AAK1: variants seen among roughly 807,000 people sequenced by gnomAD.
AAK1 encodes the protein AP2 associated kinase 1, also known as AP2-associated protein kinase 1.
Under a neutral mutation model 116.0 loss-of-function variants are expected in AAK1, and 37 were observed. The ratio of observed to expected loss-of-function variants is 0.32; its 90% CI spans 0.25 to 0.42. The LOEUF (loss-of-function observed/expected upper bound fraction) is 0.42, where lower values mean the gene tolerates loss of function less well. Among genes scored for constraint, AAK1 ranks in the 10% least tolerant of loss-of-function variants. The probability of loss-of-function intolerance (pLI) is 1.00; values close to 1 mark genes in which losing one functional copy is unlikely to be tolerated. For synonymous variants in AAK1, 458 were observed against 439.9 expected (o/e 1.04, Z -0.51); for missense variants, 919 against 1,170.6 (o/e 0.79, Z 3.14).
intron 9 of AAK1, among the ~76,000 whole-genome samples, chr2:69,526,642 T>G (rs1348585616): frequency 6.6e-6 from 1 of 152,132 alleles, no homozygotes; most frequent in Non-Finnish European, 1.5e-5. Context: ...AAAAAGGACA[T>G]TTGCAAGCAT....
chr2:69,510,016 T>G (rs545339844), intron 13 of AAK1, among the ~76,000 whole-genome samples: 4 of 152,318 alleles, frequency 2.6e-5, no homozygotes, highest in Non-Finnish European at 5.9e-5. Context: ...CTACTGTGAT[T>G]AATAAATGTT....
intron 2 of AAK1, among the ~76,000 whole-genome samples, chr2:69,566,124 T>C (rs1671855997): frequency 6.6e-6 from 1 of 152,192 alleles, no homozygotes; most frequent in Non-Finnish European, 1.5e-5. Flanking sequence ...ATCCACAGCA[T>C]CTGTGAGCTC....
At chr2:69,490,692 CAG>C (rs1464644880) in intron 17 of AAK1, among the ~76,000 whole-genome samples, 1 of 151,744 alleles carries the variant, frequency 6.6e-6, no homozygotes, top group African/African-American at 2.4e-5. Flanking sequence ...TTAATGGGTA[CAG>C]AGTTTCAGTT....
chr2:69,579,510 T>C (rs55784072), intron 2 of AAK1, among the ~76,000 whole-genome samples: 9 of 152,036 alleles, frequency 5.9e-5, no homozygotes, highest in Non-Finnish European at 1.3e-4. Flanking sequence ...GCCCGGGAGG[T>C]GGAGGTTGAA....
At chr2:69,615,337 C>T (rs1168066179) in intron 2 of AAK1, among the ~76,000 whole-genome samples, 1 of 152,164 alleles carries the variant, frequency 6.6e-6, no homozygotes, top group African/African-American at 2.4e-5. Context: ...ATGAGAGACA[C>T]AGAGGATGGG....
intron 6 of AAK1, 40 bp downstream of exon 6, chr2:69,532,001 T>C: frequency 6.2e-7 from 1 of 1,609,142 alleles, no homozygotes; most frequent in Non-Finnish European, 8.5e-7. Flanking sequence ...GTTGCTCATC[T>C]GATTGTGGAC....
intron 2 of AAK1, among the ~76,000 whole-genome samples, chr2:69,633,864 T>C (rs1559020500): frequency 1.3e-5 from 2 of 152,186 alleles, no homozygotes; most frequent in East Asian, 3.9e-4. Context: ...GGTTGGTTAT[T>C]AAAGGTCAAC....
intron 17 of AAK1, among the ~76,000 whole-genome samples, chr2:69,485,760 A>G (rs1259675991): frequency 6.6e-6 from 1 of 151,614 alleles, no homozygotes; most frequent in Non-Finnish European, 1.5e-5. Flanking sequence ...TCCCATGTTC[A>G]AGCGATTCTC....
chr2:69,499,049 G>A (rs1013859795), intron 16 of AAK1, among the ~76,000 whole-genome samples: 2 of 152,262 alleles, frequency 1.3e-5, no homozygotes, highest in African/African-American at 4.8e-5. Flanking sequence ...CCCAGTGGCC[G>A]GTCAGCCCCA....
intron 5 of AAK1, among the ~76,000 whole-genome samples, chr2:69,532,391 C>T (rs779845588): frequency 7.9e-5 from 12 of 152,092 alleles, no homozygotes; most frequent in South Asian, 2.1e-4. Context: ...GGAAACTCCA[C>T]GGTGGGGGAT....
At chr2:69,512,975 C>A (rs577318665) in intron 13 of AAK1, among the ~76,000 whole-genome samples, 11 of 152,322 alleles carry the variant, frequency 7.2e-5, no homozygotes, top group Non-Finnish European at 1.3e-4. Context: ...TCTTGGGCAA[C>A]CACTTTCTAG....
At chr2:69,621,858 C>T (rs181094072) in intron 2 of AAK1, among the ~76,000 whole-genome samples, 54 of 152,368 alleles carry the variant, frequency 3.5e-4, no homozygotes, top group African/African-American at 1.3e-3. Flanking sequence ...CCACACCTCC[C>T]CTCCAACTCC....
rs1193928246 is a variant in AAK1 at position 69,577,163 on chromosome 2, C to A, written c.164-20185G>T. On this transcript the variant is annotated intron_variant, in intron 2 of 21. Coordinates refer to ENST00000409085, the MANE Select transcript of AAK1 (RefSeq NM_014911.5). ...TGCAGGTTCACTCTGAGCAGCAGAA[C>A]CCCTGTCTTCTGCCCAAAATCTGGT... Among the ~76,000 whole-genome samples the A allele has an allele frequency of 4.6e-5, 7 of 152,336 alleles. 1 individual carries two copies. In the East Asian group the frequency reaches 1.3e-3, roughly 29 times the overall value.
Position 69,514,615 on chromosome 2 carries a change from CTGTTGCTGTTGT to C in AAK1, c.1620_1631del (p.Gln543_Gln546del). 2 of 1,587,600 alleles carry C rather than the reference CTGTTGCTGTTGT, an allele frequency of 1.3e-6. No homozygotes were observed. The highest frequency in any genetic ancestry group is 2.3e-5 in the South Asian group (2 of 88,106). On this transcript the variant is annotated inframe_deletion, in exon 13 of 22. Transcript: ENST00000409085. ...GATGCAGGGCTGTGGCCAGCTGTTG[CTGTTGCTGTTGT>C]TGTTGCTGCTGCTGCTGCTGCTGGT...
Position 69,575,768 on chromosome 2 carries a change from ACAAATTT to A in AAK1, c.164-18797_164-18791del, listed in dbSNP as rs1455448114. ...CAGGCGTGAGACACCGTGCCCGGCC[ACAAATTT>A]CAAATTTTTAAATAAAGACAGGATC... On this transcript the variant is annotated intron_variant, in intron 2 of 21. Transcript: ENST00000409085. 1.2e-4 allele frequency among the ~76,000 whole-genome samples: 19 copies of A among 152,276 alleles called. 1 individual carries two copies. In the South Asian group the frequency reaches 3.9e-3, roughly 32 times the overall value.
intron 11 of AAK1, among the ~76,000 whole-genome samples, 163 bp from the exon 12 acceptor site, chr2:69,519,403 T>C (rs1480243414): frequency 6.6e-6 from 1 of 152,222 alleles, no homozygotes; most frequent in Non-Finnish European, 1.5e-5. Context: ...ACCTGGAATG[T>C]CTTTCTATCT....
At chr2:69,500,698 T>TATATATATATATATATATATATACAC in intron 16 of AAK1, among the ~76,000 whole-genome samples, 2 of 65,102 alleles carry the variant, frequency 3.1e-5, no homozygotes, top group African/African-American at 7.9e-5. Flanking sequence ...TATATATATA[T>TATATATATATATATATATATATACAC]ACACACACAC....
intron 2 of AAK1, among the ~76,000 whole-genome samples, chr2:69,564,318 C>T (rs886809248): frequency 6.6e-6 from 1 of 152,090 alleles, no homozygotes; most frequent in Non-Finnish European, 1.5e-5. Context: ...CGAGGAAAAA[C>T]TGACCTCCCT....
At chr2:69,579,925 C>A (rs1295422279) in intron 2 of AAK1, among the ~76,000 whole-genome samples, 1 of 152,080 alleles carries the variant, frequency 6.6e-6, no homozygotes, top group African/African-American at 2.4e-5. Context: ...TCACAGGCAC[C>A]CCAAACTCAA....
Sources: allele counts gnomAD v4.1 joint callset (sites outside exome capture counted in the v4.1 genomes callset), GRCh38; gene constraint gnomAD v4.1.1; transcripts MANE v1.5; gene names NCBI Gene and HGNC (gene_info 2026-07-23, HGNC 2026-07-21).